The following ANKRD27 variants were observed in gnomAD, a reference collection of about 807,000 sequenced individuals.
ANKRD27 encodes ankyrin repeat domain-containing protein 27.
In ANKRD27, 112 loss-of-function variants were observed where a neutral mutation model predicts 129.7. The ratio of observed to expected loss-of-function variants is 0.86; its 90% CI spans 0.74 to 1.01. The LOEUF is 1.01. ANKRD27 is among the 50% of genes least tolerant of loss of function. The probability of loss-of-function intolerance (pLI) is 0.00; values close to 1 mark genes in which losing one functional copy is unlikely to be tolerated. For synonymous variants in ANKRD27, 516 were observed against 511.2 expected, an observed-to-expected ratio of 1.01 and a Z score of -0.13; for missense variants, 1,258 against 1,300.5, an observed-to-expected ratio of 0.97 and a Z score of 0.50.
At position 32,644,565 on chromosome 19, in the gene ANKRD27, GGGA is replaced by G. The variant is rs1967266763; in HGVS notation, c.371-89_371-87del. On this transcript the variant is annotated intron_variant, in intron 4 of 28. Coordinates refer to ENST00000306065, the MANE Select transcript of ANKRD27 (RefSeq NM_032139.3). The stretch of plus-strand genomic sequence containing the variant: ...TATCCTACAGGGCCTAGGCCCTCTG[GGGA>G]GGAGGGCAAATGTCCTTATTTCAAG... 2.8e-6 allele frequency: 4 copies of G among 1,446,522 alleles called. No homozygotes were observed. In the African/African-American group the frequency reaches 4.3e-5, roughly 15 times the overall value. 89.6% of individuals were successfully genotyped at this position (1,446,522 alleles called of 1,614,324 possible). A position where few individuals can be genotyped will look rare whatever the true frequency, so the allele number is the denominator to read the frequency against.
At chr19:32,625,744 A>G (rs1972078735) in intron 17 of ANKRD27, 130 bp downstream of exon 17, 1 of 770,868 alleles carries the variant, frequency 1.3e-6, no homozygotes. Context: ...ACATTCTTTC[A>G]TATTAAAAAA....
Position 32,605,903 on chromosome 19 carries a change from TG to T in ANKRD27, c.2424del (p.Ser809ValfsTer43), listed in dbSNP as rs757077129. 1 of 1,614,098 alleles carries T rather than the reference TG, an allele frequency of 6.2e-7. No homozygotes were observed. The highest frequency in any genetic ancestry group is 1.1e-5 in the South Asian group (1 of 91,084). ...DSNAKPNKKD[L>X]SGNTPLIYAC... ...GCGTAAATGAGGGGCGTGTTTCCAC[TG>T]AGGTCCTTCTTATTGGGTTTTGCAT... On this transcript the variant is annotated frameshift_variant, in exon 24 of 29. Transcript: ENST00000306065. LOFTEE classifies it high-confidence loss of function.
chr19:32,673,331 C>G, intron 1 of ANKRD27: 3 of 986,056 alleles, frequency 3.0e-6, no homozygotes, highest in Non-Finnish European at 3.6e-6. Flanking sequence ...TGCATCCCCT[C>G]CTTCCAAGGC....
chr19:32,628,205 G>A (rs780821170), intron 14 of ANKRD27, 40 bp from the exon 15 acceptor site: 5 of 1,571,730 alleles, frequency 3.2e-6, no homozygotes, highest in Middle Eastern at 1.7e-4. Flanking sequence ...ACAGGGGAAT[G>A]GCACAGCAAA....
intron 1 of ANKRD27, among the ~76,000 whole-genome samples, chr19:32,667,832 C>CAAA (rs10667176): frequency 0.5 from 67,303 of 134,486 alleles, 18,905 homozygotes; most frequent in Non-Finnish European, 0.66. Context: ...AACTCCGTCT[C>CAAA]AAAAAAAAAA....
At chr19:32,655,913 T>C (rs1249567690) in intron 2 of ANKRD27, among the ~76,000 whole-genome samples, 1 of 150,964 alleles carries the variant, frequency 6.6e-6, no homozygotes, top group Non-Finnish European at 1.5e-5. Context: ...AGCTACTTGG[T>C]AGGCCGAAGC....
At chr19:32,648,047 T>C (rs959031220) in intron 3 of ANKRD27, among the ~76,000 whole-genome samples, 1 of 152,118 alleles carries the variant, frequency 6.6e-6, no homozygotes, top group Admixed American at 6.6e-5. Context: ...GGGTGGATCA[T>C]TTGAGGTCAG....
intron 22 of ANKRD27, among the ~76,000 whole-genome samples, chr19:32,614,064 G>A (rs536255204): frequency 2.6e-5 from 4 of 152,234 alleles, no homozygotes; most frequent in South Asian, 2.1e-4. Context: ...CCAGCGGTTG[G>A]GGATGGTGGG....
chr19:32,623,008 A>G (rs188233781), intron 17 of ANKRD27, among the ~76,000 whole-genome samples: 195 of 146,074 alleles, frequency 1.3e-3, no homozygotes, highest in African/African-American at 4.5e-3. Flanking sequence ...CCCAGGCAGG[A>G]CTCAAACTCC....
At position 32,668,405 on chromosome 19, in the gene ANKRD27, C is replaced by T. The variant is rs550128852; in HGVS notation, c.-31+6666G>A. Among the ~76,000 whole-genome samples the T allele has an allele frequency of 9.9e-5, 15 of 152,246 alleles. No homozygotes were observed. In the South Asian group the frequency reaches 2.7e-3, roughly 27 times the overall value. On this transcript the variant is annotated intron_variant, in intron 1 of 28. Transcript: ENST00000306065. Reference sequence around the variant, plus strand: ...TCTCAAACTCCTGACCTCAAGTGAGCCTCCTGCCCTGGCCTCCCAATGTGC... The same window carrying T: ...TCTCAAACTCCTGACCTCAAGTGAGTCTCCTGCCCTGGCCTCCCAATGTGC...
chr19:32,664,644 T>TAAC (rs1252528888), intron 1 of ANKRD27, among the ~76,000 whole-genome samples: 1 of 145,230 alleles, frequency 6.9e-6, no homozygotes, highest in Non-Finnish European at 1.5e-5. Flanking sequence ...ATAATAATAA[T>TAAC]AATAATAATA....
intron 1 of ANKRD27, among the ~76,000 whole-genome samples, chr19:32,667,714 C>G (rs1482234607): frequency 6.6e-6 from 1 of 151,822 alleles, no homozygotes; most frequent in Non-Finnish European, 1.5e-5. Flanking sequence ...CACTTGTAAT[C>G]TCAGCTACTC....
chr19:32,624,244 G>A (rs1432885274), intron 17 of ANKRD27, among the ~76,000 whole-genome samples: 2 of 152,056 alleles, frequency 1.3e-5, no homozygotes, highest in Non-Finnish European at 1.5e-5. Context: ...GTATGTGTCT[G>A]CAGTCCCAGC....
chr19:32,616,000 A>C (rs1449995752), intron 21 of ANKRD27, among the ~76,000 whole-genome samples: 2 of 152,136 alleles, frequency 1.3e-5, no homozygotes, highest in African/African-American at 4.8e-5. Flanking sequence ...ATAAAAAAGG[A>C]CAGGAAGATT....
chr19:32,657,931 C>G (rs62124330), intron 2 of ANKRD27, among the ~76,000 whole-genome samples: 3,445 of 152,108 alleles, frequency 0.023, 70 homozygotes, highest in South Asian at 0.082. Flanking sequence ...GCTGAGATCA[C>G]GCCACCACAC....
chr19:32,609,331 T>C (rs1465317649), intron 22 of ANKRD27, among the ~76,000 whole-genome samples: 1 of 150,006 alleles, frequency 6.7e-6, no homozygotes, highest in East Asian at 1.9e-4. Context: ...CTCCTAGGTG[T>C]TTACCCACCA....
intron 18 of ANKRD27, among the ~76,000 whole-genome samples, chr19:32,621,828 C>T (rs1478822424): frequency 1.3e-5 from 2 of 152,044 alleles, no homozygotes; most frequent in African/African-American, 2.4e-5. Flanking sequence ...GCCTCTCTAA[C>T]GATGCCATTC....
intron 28 of ANKRD27, among the ~76,000 whole-genome samples, chr19:32,599,436 TC>T (rs1971617993): frequency 6.6e-6 from 1 of 152,254 alleles, no homozygotes; most frequent in Non-Finnish European, 1.5e-5. Context: ...GTGGGATGTT[TC>T]ATCTCCTATA....
chr19:32,604,591 A>T (rs1383498166), intron 24 of ANKRD27, among the ~76,000 whole-genome samples, 167 bp from the exon 25 acceptor site: 1 of 152,214 alleles, frequency 6.6e-6, no homozygotes. Flanking sequence ...AGATTTATAG[A>T]CAAAGAGTTC....
Sources: gnomAD v4.1 joint callset for allele counts (sites outside exome capture counted in the v4.1 genomes callset) on GRCh38, gnomAD v4.1.1 for gene constraint, MANE v1.5 for transcripts, NCBI Gene and HGNC (gene_info 2026-07-23, HGNC 2026-07-21) for gene names.